Variants in LZTFL1 observed in about 807,000 individuals in gnomAD.
LZTFL1 encodes the protein leucine zipper transcription factor like 1.
In LZTFL1, 25 loss-of-function variants were observed where a neutral mutation model predicts 45.9. The ratio of observed to expected loss-of-function variants is 0.54; its 90% CI spans 0.40 to 0.76. The LOEUF (loss-of-function observed/expected upper bound fraction) is 0.76. Ranked by LOEUF, LZTFL1 falls within the 30% of genes least tolerant of loss-of-function variation. The pLI is 0.00. For missense variants in LZTFL1, 277 were observed against 331.1 expected (o/e 0.84, Z 1.27); for synonymous variants, 93 against 117.4 (o/e 0.79, Z 1.35).
At chr3:45,845,098 AT>A (rs1052012574), upstream of LZTFL1, among the ~76,000 whole-genome samples, 19 of 152,280 alleles carry the variant, frequency 1.2e-4, no homozygotes, top group African/African-American at 4.6e-4. Flanking sequence ...AGAAAAATTG[AT>A]TGTAAAGATG....
At chr3:45,912,502 G>A (rs535195213) in intron 2 of LZTFL1, among the ~76,000 whole-genome samples, 7 of 152,290 alleles carry the variant, frequency 4.6e-5, no homozygotes, top group South Asian at 2.1e-4. Context: ...TGGGCTTTGC[G>A]AAGCTCGGGC....
At chr3:45,840,664 G>A (rs74487198) in intron 1 of LZTFL1, among the ~76,000 whole-genome samples, 68 of 152,310 alleles carry the variant, frequency 4.5e-4, no homozygotes, top group Admixed American at 1.2e-3. Context: ...AAGAAATCCT[G>A]CCAGAGCATT....
intron 3 of LZTFL1, chr3:45,834,924 C>T (rs1251796957): frequency 6.5e-6 from 1 of 152,842 alleles, no homozygotes; most frequent in Non-Finnish European, 1.5e-5. Flanking sequence ...TTTTCCTCCC[C>T]AGCTCATAGG....
rs750293625 is a variant in LZTFL1, at chr3:45,900,800, C to T, written c.-215+12320G>A. Reference sequence around the variant, plus strand: ...TCCTTGACCTAATGCCATCTTGTGTCCCCTTGCAGAGCCCTATTCCTAACA... The same window carrying T: ...TCCTTGACCTAATGCCATCTTGTGTTCCCTTGCAGAGCCCTATTCCTAACA... On this transcript the variant is annotated intron_variant, in intron 2 of 4. Transcript: ENST00000472635. This position sits in a 1 kb window ranked among gnomAD's most constrained non-coding sequence, Gnocchi z 4.7. The T allele has an allele frequency of 1.2e-6, 2 of 1,600,408 alleles. No homozygotes were observed. The highest frequency in any genetic ancestry group is 1.7e-6 in the Non-Finnish European group (2 of 1,171,272).
chr3:45,833,024 T>A (rs572553263), intron 5 of LZTFL1, 26 bp downstream of exon 5: 28 of 1,549,048 alleles, frequency 1.8e-5, no homozygotes, highest in Middle Eastern at 1.7e-4. Context: ...TGAGAGACTT[T>A]CCGTTTCTCA....
At chr3:45,870,294 G>T (rs539683695) in intron 2 of LZTFL1, among the ~76,000 whole-genome samples, 1 of 152,196 alleles carries the variant, frequency 6.6e-6, no homozygotes, top group Non-Finnish European at 1.5e-5. Flanking sequence ...CTTGGTTTTC[G>T]CTGCTCTAGA....
At chr3:45,871,812 G>A (rs1701675470) in intron 2 of LZTFL1, among the ~76,000 whole-genome samples, 1 of 152,192 alleles carries the variant, frequency 6.6e-6, no homozygotes, top group African/African-American at 2.4e-5. Flanking sequence ...AACAAGAAAA[G>A]CGACTTGCAA....
chr3:45,893,186 G>C (rs373194322), intron 2 of LZTFL1, among the ~76,000 whole-genome samples: 5 of 147,386 alleles, frequency 3.4e-5, no homozygotes, highest in Non-Finnish European at 6.0e-5. Context: ...ATGGAGTCTT[G>C]CTCTGTCACC....
chr3:45,870,815 C>T (rs1197895545), intron 2 of LZTFL1, among the ~76,000 whole-genome samples: 1 of 152,364 alleles, frequency 6.6e-6, no homozygotes, highest in East Asian at 1.9e-4. Context: ...CCCCTGACTT[C>T]TTCCAGGAGC....
chr3:45,831,759 T>G (rs1700827419), intron 5 of LZTFL1, among the ~76,000 whole-genome samples: 1 of 152,162 alleles, frequency 6.6e-6, no homozygotes, highest in Non-Finnish European at 1.5e-5. Flanking sequence ...CCTCTACAAT[T>G]TAACTGGTCT....
At chr3:45,883,854 G>A (rs1701911645) in intron 2 of LZTFL1, 1 of 535,852 alleles carries the variant, frequency 1.9e-6, no homozygotes, top group Non-Finnish European at 3.5e-6. Flanking sequence ...ACAGAGCAAG[G>A]ATTCAGTTAA....
chr3:45,910,997 C>A (rs1164120158), intron 2 of LZTFL1, among the ~76,000 whole-genome samples: 1 of 152,142 alleles, frequency 6.6e-6, no homozygotes, highest in Non-Finnish European at 1.5e-5. Context: ...GGCTGCCATG[C>A]AGGGCCCCAG....
intron 4 of LZTFL1, among the ~76,000 whole-genome samples, chr3:45,833,824 T>C (rs1292593968): frequency 1.3e-5 from 2 of 152,168 alleles, no homozygotes; most frequent in Non-Finnish European, 2.9e-5. Context: ...GGTAGATAAC[T>C]ACTAGTATTG....
At chr3:45,842,144 G>A, upstream of LZTFL1, 1 of 1,512,888 alleles carries the variant, frequency 6.6e-7, no homozygotes. Flanking sequence ...ACCGAGGCAC[G>A]TGGACTGCAA....
chr3:45,840,361 A>G (rs551323076), intron 1 of LZTFL1, among the ~76,000 whole-genome samples: 2 of 152,358 alleles, frequency 1.3e-5, no homozygotes, highest in Non-Finnish European at 2.9e-5. Flanking sequence ...TCAAATCATT[A>G]GAGAGGAAAT....
At position 45,827,391 on chromosome 3, in the gene LZTFL1, A is replaced by C; in HGVS notation, c.846T>G (p.Asn282Lys). Residue 282 changes from asparagine to lysine, a missense_variant, in exon 9 of 10, where the codon AAT becomes AAG. By Grantham distance (94) the Asn-to-Lys change is moderately conservative. Transcript: ENST00000296135. ...RNMKEILTKK[N>K]DQIKDLRKRL... is the part of the protein sequence containing the mutation. ...TTTTCCTCAGATCTTTGATTTGGTC[A>C]TTCTTCTTGGTAAGAATCTCTTTCA... 6.2e-7 allele frequency: 1 copy of C among 1,613,964 alleles called. No homozygotes were observed. Among genetic ancestry groups the C allele is most frequent in the South Asian group, 1.1e-5 (1 of 91,078 alleles).
At chr3:45,890,497 A>AT (rs1157379129) in intron 2 of LZTFL1, among the ~76,000 whole-genome samples, 4 of 150,206 alleles carry the variant, frequency 2.7e-5, no homozygotes, top group Non-Finnish European at 4.4e-5. Context: ...GGGCAAAAAA[A>AT]AGAAGAGTAA....
At position 45,831,086 on chromosome 3, in the gene LZTFL1, GTCT is replaced by G. The variant is rs1700802859; in HGVS notation, c.506_508del (p.Lys169del). 6.2e-7 allele frequency: 1 copy of G among 1,606,474 alleles called. No individual in the cohort carries two copies. The highest frequency in any genetic ancestry group is 1.3e-5 in the African/African-American group (1 of 74,534). ...TTTCTCAGTTACCTGTATTTCAATGGTCTTCAACCTTGACTTCAATTTCTCATT... is the reference window on the plus strand; with the variant it reads ...TTTCTCAGTTACCTGTATTTCAATGGTCAACCTTGACTTCAATTTCTCATT... On this transcript the variant is annotated inframe_deletion, in exon 6 of 10. Coordinates refer to ENST00000296135, the MANE Select transcript of LZTFL1 (RefSeq NM_020347.4).
intron 2 of LZTFL1, among the ~76,000 whole-genome samples, chr3:45,892,106 G>T (rs925723070): frequency 1.3e-5 from 2 of 152,130 alleles, no homozygotes; most frequent in Non-Finnish European, 2.9e-5. Flanking sequence ...GGCACTAGGT[G>T]CTAATTATGC....
Sources: allele counts gnomAD v4.1 joint callset (sites outside exome capture counted in the v4.1 genomes callset), GRCh38; gene constraint gnomAD v4.1.1; non-coding constraint Gnocchi (gnomAD v3.1); transcripts MANE v1.5; gene names NCBI Gene and HGNC (gene_info 2026-07-23, HGNC 2026-07-21).